The following TTC7B variants were observed in gnomAD, a reference collection of about 807,000 sequenced individuals.
TTC7B encodes the protein tetratricopeptide repeat protein 7B.
In TTC7B, 28 loss-of-function variants were observed where a neutral mutation model predicts 106.8. The observed-to-expected ratio is 0.26, with a 90% CI of 0.19 to 0.36. TTC7B has a LOEUF of 0.36. Ranked by LOEUF, TTC7B falls within the 10% of genes least tolerant of loss-of-function variation. The pLI, the probability that TTC7B is intolerant of heterozygous loss-of-function variation, is 1.00. For missense variants in TTC7B, 862 were observed against 1,076.4 expected, an observed-to-expected ratio of 0.80 and a Z score of 2.79; for synonymous variants, 405 against 430.6, an observed-to-expected ratio of 0.94 and a Z score of 0.74.
At chr14:90,697,831 C>T (rs1952030) in intron 5 of TTC7B, 122,541 of 152,312 alleles carry the variant, frequency 0.8, 49,621 homozygotes, top group East Asian at 0.99. Context: ...ACACCAGCCA[C>T]TGGGTGCGTA....
At position 90,744,814 on chromosome 14, in the gene TTC7B, A is replaced by G. The variant is rs1459390032; in HGVS notation, c.554T>C (p.Leu185Pro). The G allele has an allele frequency of 6.2e-7, 1 of 1,613,974 alleles. No individual in the cohort carries two copies. The highest frequency in any genetic ancestry group is 8.5e-7 in the Non-Finnish European group (1 of 1,179,990). Residue 185 changes from leucine (L) to proline (P), a missense_variant, in exon 4 of 20, where the codon CTG becomes CCG. Physicochemically the swap from Leu to Pro is moderately conservative, Grantham distance 98. Transcript: ENST00000328459. Reference sequence around the variant, plus strand: ...TACCCTTTCTATCTCTTGGAGATACAGGAGTGCGATGTCCCCTGCTTTCTC... The same window carrying G: ...TACCCTTTCTATCTCTTGGAGATACGGGAGTGCGATGTCCCCTGCTTTCTC... ...CYEKAGDIAL[L>P]YLQEIERVIL...
At chr14:90,790,570 C>CCT (rs1891552028) in intron 1 of TTC7B, among the ~76,000 whole-genome samples, 2 of 152,162 alleles carry the variant, frequency 1.3e-5, no homozygotes, top group African/African-American at 4.8e-5. Flanking sequence ...GCGGAGGACT[C>CCT]CTCTCTCCCC....
chr14:90,629,774 G>T (rs1884609682), intron 15 of TTC7B, among the ~76,000 whole-genome samples: 1 of 152,192 alleles, frequency 6.6e-6, no homozygotes, highest in Admixed American at 6.5e-5. Flanking sequence ...TCACCATGGT[G>T]CCCCTCCTGG....
chr14:90,694,890 A>G (rs1443648716), intron 6 of TTC7B, among the ~76,000 whole-genome samples: 1 of 125,136 alleles, frequency 8.0e-6, no homozygotes, highest in Non-Finnish European at 1.6e-5. Context: ...ACATATATTT[A>G]TAACACATAT....
chr14:90,800,726 G>T (rs2030207829), intron 1 of TTC7B, among the ~76,000 whole-genome samples: 1 of 152,128 alleles, frequency 6.6e-6, no homozygotes, highest in Non-Finnish European at 1.5e-5. Flanking sequence ...CAGGAGAATG[G>T]TGTGAACCTG....
intron 5 of TTC7B, among the ~76,000 whole-genome samples, chr14:90,721,072 G>A (rs1173224129): frequency 6.6e-6 from 1 of 152,090 alleles, no homozygotes; most frequent in Non-Finnish European, 1.5e-5. Context: ...AGGAACTGTA[G>A]CCTGCCTTCC....
At chr14:90,704,914 CAG>C (rs1372150289) in intron 5 of TTC7B, among the ~76,000 whole-genome samples, 1 of 152,210 alleles carries the variant, frequency 6.6e-6, no homozygotes, top group Non-Finnish European at 1.5e-5. Flanking sequence ...ACGCGAAGCT[CAG>C]GTTTACCTTG....
At chr14:90,636,650 G>A (rs1224294965) in intron 15 of TTC7B, among the ~76,000 whole-genome samples, 1 of 151,912 alleles carries the variant, frequency 6.6e-6, no homozygotes, top group African/African-American at 2.4e-5. Flanking sequence ...TAACCACTGG[G>A]CCACAAAATA....
intron 19 of TTC7B, 106 bp from the exon 20 acceptor site, chr14:90,541,695 T>C: frequency 4.7e-6 from 4 of 860,150 alleles, no homozygotes; most frequent in Non-Finnish European, 6.8e-6. Context: ...GCCGGGAATA[T>C]ATCGCCATTG....
chr14:90,804,227 G>A (rs2030462554), intron 1 of TTC7B, among the ~76,000 whole-genome samples: 2 of 152,074 alleles, frequency 1.3e-5, no homozygotes, highest in East Asian at 1.9e-4. Context: ...CCAGCTACTC[G>A]GGAGGCTGAG....
chr14:90,717,350 A>G (rs1305762962), intron 5 of TTC7B, among the ~76,000 whole-genome samples: 1 of 152,106 alleles, frequency 6.6e-6, no homozygotes, highest in Non-Finnish European at 1.5e-5. Context: ...AAAAAAAAAA[A>G]AAAGAAAAGA....
intron 19 of TTC7B, among the ~76,000 whole-genome samples, chr14:90,563,784 C>T (rs1026098843): frequency 1.3e-5 from 2 of 152,200 alleles, no homozygotes; most frequent in Non-Finnish European, 2.9e-5. Context: ...ACAATGTTCA[C>T]AATGTCTTCA....
intron 5 of TTC7B, among the ~76,000 whole-genome samples, chr14:90,703,876 C>T (rs1314480855): frequency 6.6e-6 from 1 of 152,168 alleles, no homozygotes; most frequent in East Asian, 1.9e-4. Context: ...GGAGTGGGAC[C>T]AGATAACCCG....
rs1357430552 is a variant in TTC7B, at chr14:90,534,680, G to C, written c.*6688C>G. 1 of 152,376 alleles carries C rather than the reference G, an allele frequency of 6.6e-6. No individual in the cohort carries two copies. Among genetic ancestry groups the C allele is most frequent in the Admixed American group, 6.5e-5 (1 of 15,284 alleles). 9.4% of individuals were successfully genotyped at this position (152,376 alleles called of 1,614,324 possible). On this transcript the variant is annotated 3_prime_UTR_variant, in exon 20 of 20. Coordinates refer to ENST00000328459, the MANE Select transcript of TTC7B (RefSeq NM_001010854.2). The stretch of plus-strand genomic sequence containing the variant: ...AGCGCTGGGAGGGTATGGGGGCATT[G>C]GAGGGAGACAGTGGCCAGAGTGGCT...
At chr14:90,619,611 C>T (rs1184621857) in intron 15 of TTC7B, among the ~76,000 whole-genome samples, 2 of 152,172 alleles carry the variant, frequency 1.3e-5, no homozygotes, top group East Asian at 1.9e-4. Flanking sequence ...CGAAGGCATC[C>T]CACGTGCCAG....
intron 3 of TTC7B, among the ~76,000 whole-genome samples, chr14:90,779,684 A>C (rs1377963152): frequency 6.6e-6 from 1 of 152,184 alleles, no homozygotes; most frequent in Non-Finnish European, 1.5e-5. Flanking sequence ...TATTTGACTT[A>C]ATCCTCCTAA....
intron 7 of TTC7B, among the ~76,000 whole-genome samples, chr14:90,688,621 CAAAAAAAAAAAAAAAAAAAAAAAAA>C (rs57020065): frequency 3.7e-5 from 2 of 54,490 alleles, no homozygotes; most frequent in African/African-American, 8.5e-5. Flanking sequence ...GGCTCTGTCT[CAAAAAAAAAAAAAAAAAAAAAAAAA>C]AAAAAAAAAA....
At chr14:90,708,161 A>AT (rs1888291138) in intron 5 of TTC7B, among the ~76,000 whole-genome samples, 1 of 151,360 alleles carries the variant, frequency 6.6e-6, no homozygotes, top group African/African-American at 2.4e-5. Flanking sequence ...AAAAAAAAAA[A>AT]AAAAAAAAAG....
At position 90,593,455 on chromosome 14, in the gene TTC7B, A is replaced by T. The variant is rs1892053736; in HGVS notation, c.2107+31T>A. 1.9e-6 allele frequency: 3 copies of T among 1,543,428 alleles called. No individual in the cohort carries two copies. In the Admixed American group the frequency reaches 5.6e-5, roughly 29 times the overall value. On this transcript the variant is annotated intron_variant, in intron 18 of 19. Transcript: ENST00000328459. ...TGGGGCGGAGCCCAGGCTCTGGCAC[A>T]GCAGCGGGTTGTGGGTGAGGCGGAG...
Sources: allele counts gnomAD v4.1 joint callset (sites outside exome capture counted in the v4.1 genomes callset), GRCh38; gene constraint gnomAD v4.1.1; transcripts MANE v1.5; gene names NCBI Gene and HGNC (gene_info 2026-07-23, HGNC 2026-07-21).